DCLK1: variants seen among roughly 807,000 people sequenced by gnomAD.
The protein encoded by DCLK1 is serine/threonine-protein kinase DCLK1.
Under a neutral mutation model 86.2 loss-of-function variants are expected in DCLK1, and 16 were observed. The ratio of observed to expected loss-of-function variants is 0.19; its 90% CI spans 0.13 to 0.28. DCLK1 has a LOEUF of 0.28. DCLK1 is among the 10% of genes least tolerant of loss of function. DCLK1 has a pLI of 1.00. For synonymous variants in DCLK1, 369 were observed against 370.5 expected, an observed-to-expected ratio of 1.00 and a Z score of 0.05; for missense variants, 590 against 940.2, an observed-to-expected ratio of 0.63 and a Z score of 4.87.
intron 16 of DCLK1, among the ~76,000 whole-genome samples, chr13:35,791,563 T>C (rs765534921): frequency 2.0e-5 from 3 of 152,184 alleles, no homozygotes; most frequent in Admixed American, 1.3e-4. Flanking sequence ...TGGATAACGC[T>C]TCAGAATTTA....
rs199836080 is a variant in DCLK1, at chr13:35,878,714, TTATGCATTA to T, written c.824-7383_824-7375del. ...TACCCCATTTACCCTGATGTGATTATTATGCATTATATGCCTGTATCAAAATATCTCATG... is the reference window on the plus strand; with the variant it reads ...TACCCCATTTACCCTGATGTGATTATTATGCCTGTATCAAAATATCTCATG... On this transcript the variant is annotated intron_variant, in intron 4 of 16. Transcript: ENST00000360631. 3.9e-4 allele frequency among the ~76,000 whole-genome samples: 60 copies of T among 152,302 alleles called. No homozygotes were observed. In the East Asian group the frequency reaches 0.01, roughly 25 times the overall value.
At chr13:35,787,086 T>A (rs1018693806) in intron 16 of DCLK1, among the ~76,000 whole-genome samples, 14 of 148,550 alleles carry the variant, frequency 9.4e-5, no homozygotes, top group Non-Finnish European at 1.6e-4. Flanking sequence ...ATATATATAT[T>A]ATATATATAT....
In DCLK1 at chr13:35,775,389, C is replaced by T. The variant is rs949138119; in HGVS notation, c.2059-690G>A. 2.0e-5 allele frequency among the ~76,000 whole-genome samples: 3 copies of T among 152,172 alleles called. No individual in the cohort carries two copies. The East Asian group carries it at 5.8e-4, about 29-fold the overall frequency. On this transcript the variant is annotated intron_variant, in intron 16 of 16. Transcript: ENST00000360631. The stretch of plus-strand genomic sequence containing the variant: ...TCATAGTATTTGGTAATTTATGAAA[C>T]TGAGATTCAATTTTGTAGGTATTCC...
intron 4 of DCLK1, among the ~76,000 whole-genome samples, chr13:35,930,556 T>C (rs553502205): frequency 6.6e-6 from 1 of 152,232 alleles, no homozygotes; most frequent in Admixed American, 6.5e-5. Context: ...GCTGAGATCA[T>C]GTCACTGCAC....
intron 15 of DCLK1, among the ~76,000 whole-genome samples, chr13:35,803,249 A>AGGCT (rs1167956634): frequency 1.3e-5 from 2 of 152,110 alleles, no homozygotes; most frequent in Non-Finnish European, 1.5e-5. Flanking sequence ...CTTATCTTGT[A>AGGCT]GGCTTGTTAT....
intron 13 of DCLK1, 128 bp from the exon 14 acceptor site, chr13:35,808,448 G>C: frequency 1.2e-6 from 1 of 841,622 alleles, no homozygotes; most frequent in Non-Finnish European, 1.9e-6. Context: ...ATTTTTAATC[G>C]ATTGAAAAAT....
chr13:35,851,525 G>C (rs889292073), intron 6 of DCLK1, among the ~76,000 whole-genome samples: 1 of 152,028 alleles, frequency 6.6e-6, no homozygotes, highest in African/African-American at 2.4e-5. Flanking sequence ...ATCTACAAAA[G>C]TCAGTGATGT....
intron 3 of DCLK1, among the ~76,000 whole-genome samples, chr13:36,045,301 TA>T (rs1378438458): frequency 7.4e-6 from 1 of 134,300 alleles, no homozygotes; most frequent in Non-Finnish European, 1.6e-5. Flanking sequence ...AATCGTCTAA[TA>T]TATATATGTC....
intron 8 of DCLK1, among the ~76,000 whole-genome samples, chr13:35,833,345 G>A (rs370880922): frequency 6.6e-6 from 1 of 152,058 alleles, no homozygotes; most frequent in Non-Finnish European, 1.5e-5. Context: ...CTCACATCAC[G>A]CCCTCTACTT....
intron 4 of DCLK1, among the ~76,000 whole-genome samples, chr13:35,872,429 C>T (rs1872336236): frequency 6.6e-6 from 1 of 152,194 alleles, no homozygotes; most frequent in Admixed American, 6.5e-5. Context: ...TGTTGAGCAT[C>T]TGACTGCATG....
At chr13:35,906,345 A>G (rs538559208) in intron 4 of DCLK1, among the ~76,000 whole-genome samples, 1 of 152,038 alleles carries the variant, frequency 6.6e-6, no homozygotes, top group South Asian at 2.1e-4. Flanking sequence ...AGGAAAACAG[A>G]ACTATAGCAA....
At position 36,111,881 on chromosome 13, in the gene DCLK1, C is replaced by T. The variant is rs1385622519; in HGVS notation, c.711G>A (p.Leu237=). The stretch of plus-strand genomic sequence containing the variant: ...ATATGTCTCTTACCTGTTTCCCATC[C>T]AACGTGTACAGGCGTTTCACCACTC... ...DSGVVKRLYT[L]DGKQVMCLQD... Residue 237 remains leucine (L), a synonymous_variant, in exon 3 of 17, where the codon TTG becomes TTA. Transcript: ENST00000360631. 1 of 1,610,920 alleles carries T rather than the reference C, an allele frequency of 6.2e-7. No homozygotes were observed. The highest frequency in any genetic ancestry group is 1.7e-5 in the Admixed American group (1 of 59,954).
intron 3 of DCLK1, among the ~76,000 whole-genome samples, chr13:36,037,394 C>A (rs1355136522): frequency 6.6e-6 from 1 of 152,020 alleles, no homozygotes; most frequent in African/African-American, 2.4e-5. Context: ...GAGAATTTTT[C>A]TAATGTTCCT....
intron 3 of DCLK1, among the ~76,000 whole-genome samples, chr13:36,021,843 C>G (rs1881797080): frequency 6.6e-6 from 1 of 151,950 alleles, no homozygotes; most frequent in African/African-American, 2.4e-5. Context: ...GATAAAACAA[C>G]TAGGCAGAAG....
At chr13:35,925,319 T>C (rs1294730324) in intron 4 of DCLK1, among the ~76,000 whole-genome samples, 1 of 152,202 alleles carries the variant, frequency 6.6e-6, no homozygotes, top group Non-Finnish European at 1.5e-5. Context: ...GGCAAGAGAA[T>C]TGTCATCACT....
chr13:35,801,284 T>C (rs1566539466), intron 15 of DCLK1, among the ~76,000 whole-genome samples: 2 of 152,218 alleles, frequency 1.3e-5, no homozygotes. Context: ...CATTCATTTG[T>C]TGTACTTGGA....
rs115066179 is a variant in DCLK1, at chr13:35,778,047, C to T, written c.2059-3348G>A. On this transcript the variant is annotated intron_variant, in intron 16 of 16. Transcript: ENST00000360631. ...TTCACAGCACACAGTAGATATTCTA[C>T]GAACTTTGTGGCATTTGAAAGATGG... Among the ~76,000 whole-genome samples the T allele has an allele frequency of 1.9e-3, 293 of 152,304 alleles. 1 individual carries two copies. The highest frequency in any genetic ancestry group is 6.7e-3 in the African/African-American group (279 of 41,562).
intron 8 of DCLK1, among the ~76,000 whole-genome samples, chr13:35,832,391 G>A (rs578155869): frequency 5.4e-4 from 82 of 152,296 alleles, no homozygotes; most frequent in African/African-American, 1.9e-3. Context: ...GCTATGTTTT[G>A]AAGGATTTAG....
At chr13:36,055,749 G>A (rs980025017) in intron 3 of DCLK1, among the ~76,000 whole-genome samples, 2 of 146,850 alleles carry the variant, frequency 1.4e-5, no homozygotes, top group African/African-American at 5.1e-5. Flanking sequence ...GTGCACTGAT[G>A]TTGAGGTCAG....
Sources: allele counts gnomAD v4.1 joint callset (sites outside exome capture counted in the v4.1 genomes callset), GRCh38; gene constraint gnomAD v4.1.1; transcripts MANE v1.5; gene names NCBI Gene and HGNC (gene_info 2026-07-23, HGNC 2026-07-21).